RPL37: variants seen among roughly 807,000 people sequenced by gnomAD.
RPL37 encodes large ribosomal subunit protein eL37.
A neutral mutation model predicts 14.8 loss-of-function variants in RPL37; 1 was observed. The ratio of observed to expected loss-of-function variants is 0.07; its 90% CI spans 0.02 to 0.32. The LOEUF (loss-of-function observed/expected upper bound fraction) is 0.32. Among genes scored for constraint, RPL37 ranks in the 10% least tolerant of loss-of-function variants. RPL37 has a pLI of 1.00. For synonymous variants in RPL37, 53 were observed against 45.8 expected (o/e 1.16, Z -0.63); for missense variants, 100 against 128.3 (o/e 0.78, Z 1.06).
In RPL37 at chr5:40,827,744, T is replaced by C. The variant is rs79744131; in HGVS notation, c.*4760A>G. The C allele has an allele frequency of 2.4e-4, 36 of 151,964 alleles. No homozygotes were observed. The highest frequency in any genetic ancestry group is 8.4e-4 in the African/African-American group (35 of 41,478). 9.4% of individuals were successfully genotyped at this position (151,964 alleles called of 1,614,324 possible). Reference sequence around the variant, plus strand: ...TCCTTCCTTTATCCTTTTTTTTTTTTGAGATGGAGTCTCGCTCTGCCGCCC... The same window carrying C: ...TCCTTCCTTTATCCTTTTTTTTTTTCGAGATGGAGTCTCGCTCTGCCGCCC... On this transcript the variant is annotated 3_prime_UTR_variant, in exon 4 of 4. Transcript: ENST00000274242.
At position 40,827,573 on chromosome 5, in the gene RPL37, GAC is replaced by G. The variant is rs1745545780; in HGVS notation, c.*4929_*4930del. 6.6e-6 allele frequency: 1 copy of G among 152,094 alleles called. No homozygotes were observed. The highest frequency in any genetic ancestry group is 1.5e-5 in the Non-Finnish European group (1 of 68,020). 9.4% of individuals were successfully genotyped at this position (152,094 alleles called of 1,614,324 possible). On this transcript the variant is annotated 3_prime_UTR_variant, in exon 4 of 4. Coordinates refer to ENST00000274242, the MANE Select transcript of RPL37 (RefSeq NM_000997.5). The stretch of plus-strand genomic sequence containing the variant: ...CCAGGGTATACTCCCACCGTATAAA[GAC>G]ACAAACATAAAAGCAATGTTTTGAT...
Position 40,834,565 on chromosome 5 carries a change from C to G in RPL37, c.45G>C (p.Thr15=), listed in dbSNP as rs761067866. The G allele has an allele frequency of 3.1e-6, 5 of 1,613,798 alleles. No homozygotes were observed. The highest frequency in any genetic ancestry group is 2.2e-5 in the East Asian group (1 of 44,904). The change falls in exon 2 of 4, where the codon ACG becomes ACC. Residue 15 remains threonine (T), a synonymous_variant. Coordinates refer to ENST00000274242, the MANE Select transcript of RPL37 (RefSeq NM_000997.5). ...AGCCACAGCGGCGGCACAACGTGTGCGTCTTATTGCGACGCTTTCCAAACG... is the reference window on the plus strand; with the variant it reads ...AGCCACAGCGGCGGCACAACGTGTGGGTCTTATTGCGACGCTTTCCAAACG... ...TSSFGKRRNK[T]HTLCRRCGSK...
rs74293600 is a variant in RPL37 at position 40,830,968 on chromosome 5, C to T, written c.*1536G>A. ...CACTTGAAAATTTGATGATGACAGC[C>T]GGGAGTGGTGGCTCACGCCTGTAAT... is the stretch of plus-strand genomic sequence containing the variant. On this transcript the variant is annotated 3_prime_UTR_variant, in exon 4 of 4. Coordinates refer to ENST00000274242, the MANE Select transcript of RPL37 (RefSeq NM_000997.5). The T allele has an allele frequency of 0.021, 3,145 of 150,114 alleles. 41 individuals carry two copies. Among genetic ancestry groups the T allele is most frequent in the East Asian group, 0.074 (358 of 4,840 alleles). The allele number at this position is 150,114 out of a possible 1,614,324, so 9.3% of individuals were successfully genotyped here.
rs1745547483 is a variant in RPL37 at position 40,827,666 on chromosome 5, G to C, written c.*4838C>G. 1 of 151,736 alleles carries C rather than the reference G, an allele frequency of 6.6e-6. No homozygotes were observed. Among genetic ancestry groups the C allele is most frequent in the Admixed American group, 6.6e-5 (1 of 15,220 alleles). The allele number at this position is 151,736 out of a possible 1,614,324, so 9.4% of individuals were successfully genotyped here. The stretch of plus-strand genomic sequence containing the variant: ...TGTACATGAGAACCATTTTTCCATT[G>C]CAACTTTTCTTGTCAAAACATCCTT... On this transcript the variant is annotated 3_prime_UTR_variant, in exon 4 of 4. Coordinates refer to ENST00000274242, the MANE Select transcript of RPL37 (RefSeq NM_000997.5).
In RPL37 at chr5:40,834,276, A is replaced by C; in HGVS notation, c.140-11T>G. On this transcript the variant is annotated splice_polypyrimidine_tract_variant and intron_variant, in intron 2 of 3. Coordinates refer to ENST00000274242, the MANE Select transcript of RPL37 (RefSeq NM_000997.5). Reference sequence around the variant, plus strand: ...TGGCACTCCAGTTATCTAAAACATAAGTTCAGAAAAGATTTCAAACGGTGT... The same window carrying C: ...TGGCACTCCAGTTATCTAAAACATACGTTCAGAAAAGATTTCAAACGGTGT... The C allele has an allele frequency of 6.2e-7, 1 of 1,612,570 alleles. No homozygotes were observed. The highest frequency in any genetic ancestry group is 1.3e-5 in the African/African-American group (1 of 75,016).
Position 40,834,615 on chromosome 5 carries a change from T to C in RPL37, c.4-9A>G. 6.2e-7 allele frequency: 1 copy of C among 1,604,966 alleles called. No homozygotes were observed. The highest frequency in any genetic ancestry group is 1.1e-5 in the South Asian group (1 of 89,536). Reference sequence around the variant, plus strand: ...GATGACGTTCCCTTCGTCTGCACATTAAAGGAATAAATAGTTCTGAAACCT... The same window carrying C: ...GATGACGTTCCCTTCGTCTGCACATCAAAGGAATAAATAGTTCTGAAACCT... On this transcript the variant is annotated splice_polypyrimidine_tract_variant and intron_variant, in intron 1 of 3. Coordinates refer to ENST00000274242, the MANE Select transcript of RPL37 (RefSeq NM_000997.5).
At chr5:40,835,140 C>T (rs373803611) in intron 1 of RPL37, 43 bp downstream of exon 1, 1 of 1,613,660 alleles carries the variant, frequency 6.2e-7, no homozygotes, top group African/African-American at 1.3e-5. Context: ...GCACAAAGGA[C>T]GAGGATGGAA....
intron 3 of RPL37, chr5:40,833,946 CTGAGA>C (rs1745699701): frequency 3.9e-6 from 2 of 516,264 alleles, no homozygotes; most frequent in East Asian, 3.5e-5. Flanking sequence ...ACTCGGGCGG[CTGAGA>C]TGAGATTACC....
intron 3 of RPL37, 194 bp from the exon 4 acceptor site, chr5:40,832,767 T>G (rs769243274): frequency 1.1e-5 from 8 of 707,030 alleles, no homozygotes; most frequent in Non-Finnish European, 2.1e-5. Context: ...AGATACCCAT[T>G]TTCGGATATA....
rs983033511 is a variant in RPL37 at position 40,829,722 on chromosome 5, A to G, written c.*2782T>C. 1 of 148,894 alleles carries G rather than the reference A, an allele frequency of 6.7e-6. No homozygotes were observed. Among genetic ancestry groups the G allele is most frequent in the Non-Finnish European group, 1.5e-5 (1 of 67,886 alleles). The allele number at this position is 148,894 out of a possible 1,614,324, so 9.2% of individuals were successfully genotyped here. ...ATCAACAATATATAATTGTGTCTCA[A>G]TTAGAGGTGAGGCCTCTGCAGCTCA... On this transcript the variant is annotated 3_prime_UTR_variant, in exon 4 of 4. Transcript: ENST00000274242.
chr5:40,835,048 G>A lies in RPL37; in HGVS notation c.3+135C>T, dbSNP rs916779356. On this transcript the variant is annotated intron_variant, in intron 1 of 3. Coordinates refer to ENST00000274242, the MANE Select transcript of RPL37 (RefSeq NM_000997.5). ...TAGCAGTCATTCTTCTGGCTCTTGAGGGCCACCGCATGCCTCTTTCCAGCC... is the reference window on the plus strand; with the variant it reads ...TAGCAGTCATTCTTCTGGCTCTTGAAGGCCACCGCATGCCTCTTTCCAGCC... The A allele has an allele frequency of 2.7e-4, 321 of 1,210,886 alleles. 1 individual carries two copies. The highest frequency in any genetic ancestry group is 4.4e-5 in the Non-Finnish European group (37 of 837,652). The allele number at this position is 1,210,886 out of a possible 1,614,324, so 75.0% of individuals were successfully genotyped here. A position where few individuals can be genotyped will look rare whatever the true frequency, so the allele number is the denominator to read the frequency against.
Position 40,829,137 on chromosome 5 carries a change from A to G in RPL37, c.*3367T>C, listed in dbSNP as rs1246257842. Reference sequence around the variant, plus strand: ...ATTATACAGAAATGGGAAGCTTGGAAGTTAGCTACTCACTTGCACATTCAA... The same window carrying G: ...ATTATACAGAAATGGGAAGCTTGGAGGTTAGCTACTCACTTGCACATTCAA... On this transcript the variant is annotated 3_prime_UTR_variant, in exon 4 of 4. Transcript: ENST00000274242. 1 of 152,214 alleles carries G rather than the reference A, an allele frequency of 6.6e-6. No homozygotes were observed. The highest frequency in any genetic ancestry group is 2.4e-5 in the African/African-American group (1 of 41,460). 9.4% of individuals were successfully genotyped at this position (152,214 alleles called of 1,614,324 possible). A position where few individuals can be genotyped will look rare whatever the true frequency, so the allele number is the denominator to read the frequency against.
chr5:40,828,287 T>TCA lies in RPL37; in HGVS notation c.*4215_*4216dup, dbSNP rs1313586802. 6.6e-6 allele frequency: 1 copy of TCA among 152,228 alleles called. No homozygotes were observed. Among genetic ancestry groups the TCA allele is most frequent in the Non-Finnish European group, 1.5e-5 (1 of 68,052 alleles). The allele number at this position is 152,228 out of a possible 1,614,324, so 9.4% of individuals were successfully genotyped here. ...GTGGTATCCTTGTCTTACACACTTA[T>TCA]CACTATCTGCAATTGTCTATTATGT... On this transcript the variant is annotated 3_prime_UTR_variant, in exon 4 of 4. Coordinates refer to ENST00000274242, the MANE Select transcript of RPL37 (RefSeq NM_000997.5).
rs1745654451 is a variant in RPL37 at position 40,832,166 on chromosome 5, ACT to A, written c.*336_*337del. The A allele has an allele frequency of 3.7e-6, 1 of 272,916 alleles. No homozygotes were observed. The highest frequency in any genetic ancestry group is 4.5e-5 in the Admixed American group (1 of 22,144). 16.9% of individuals were successfully genotyped at this position (272,916 alleles called of 1,614,324 possible). On this transcript the variant is annotated 3_prime_UTR_variant, in exon 4 of 4. Coordinates refer to ENST00000274242, the MANE Select transcript of RPL37 (RefSeq NM_000997.5). ...TTGCTAAAGGTAATTTAAACATCAT[ACT>A]CTTTCAAATTTACTCAAACATCTAA... is the stretch of plus-strand genomic sequence containing the variant.
At chr5:40,833,220 T>C (rs547100436) in intron 3 of RPL37, among the ~76,000 whole-genome samples, 1 of 152,322 alleles carries the variant, frequency 6.6e-6, no homozygotes, top group African/African-American at 2.4e-5. Context: ...TCTTGCTATC[T>C]TTAAAACTGG....
Position 40,835,204 on chromosome 5 carries a change from A to G in RPL37, c.-19T>C. On this transcript the variant is annotated 5_prime_UTR_variant, in exon 1 of 4. Coordinates refer to ENST00000274242, the MANE Select transcript of RPL37 (RefSeq NM_000997.5). ...TCACCATCTCGCTTCTGCGGCCGAG[A>G]CCAGAAAGACCGGAAGAGAAGGCAC... The G allele has an allele frequency of 1.2e-6, 2 of 1,613,946 alleles. No individual in the cohort carries two copies. Among genetic ancestry groups the G allele is most frequent in the Non-Finnish European group, 1.7e-6 (2 of 1,179,932 alleles).
chr5:40,834,393 T>G, intron 2 of RPL37, 78 bp downstream of exon 2: 1 of 1,584,532 alleles, frequency 6.3e-7, no homozygotes, highest in Non-Finnish European at 8.6e-7. Context: ...AGGCACCAAA[T>G]AAAGTTCAAA....
Position 40,829,332 on chromosome 5 carries a change from C to G in RPL37, c.*3172G>C, listed in dbSNP as rs1004595793. 2 of 152,204 alleles carry G rather than the reference C, an allele frequency of 1.3e-5. No individual in the cohort carries two copies. The highest frequency in any genetic ancestry group is 4.8e-5 in the African/African-American group (2 of 41,438). The allele number at this position is 152,204 out of a possible 1,614,324, so 9.4% of individuals were successfully genotyped here. On this transcript the variant is annotated 3_prime_UTR_variant, in exon 4 of 4. Coordinates refer to ENST00000274242, the MANE Select transcript of RPL37 (RefSeq NM_000997.5). ...ATTCATCTTGCTAGAATAACTATTCCTAACATTCTGGTTTAAATCCTCTGT... is the reference window on the plus strand; with the variant it reads ...ATTCATCTTGCTAGAATAACTATTCGTAACATTCTGGTTTAAATCCTCTGT...
intron 3 of RPL37, 28 bp from the exon 4 acceptor site, chr5:40,832,601 T>G (rs993444299): frequency 6.3e-7 from 1 of 1,584,030 alleles, no homozygotes; most frequent in African/African-American, 1.3e-5. Context: ...CAAGAACAAG[T>G]TACTTCAGCA....
Sources: gnomAD v4.1 joint callset for allele counts (sites outside exome capture counted in the v4.1 genomes callset) on GRCh38, gnomAD v4.1.1 for gene constraint, MANE v1.5 for transcripts, NCBI Gene and HGNC (gene_info 2026-07-23, HGNC 2026-07-21) for gene names.